Variants in SLC30A6 observed in about 807,000 individuals in gnomAD.
SLC30A6 encodes the protein zinc transporter 6.
In SLC30A6, 55 loss-of-function variants were observed where a neutral mutation model predicts 63.0. The ratio of observed to expected loss-of-function variants is 0.87; its 90% confidence interval spans 0.70 to 1.09. The LOEUF is 1.09. Ranked by LOEUF, SLC30A6 falls within the 50% of genes least tolerant of loss-of-function variation. SLC30A6 has a pLI of 0.00. For synonymous variants in SLC30A6, 224 were observed against 186.1 expected (o/e 1.20, Z -1.66); for missense variants, 587 against 549.2 (o/e 1.07, Z -0.69).
intron 5 of SLC30A6, among the ~76,000 whole-genome samples, chr2:32,190,454 G>A (rs1472425537): frequency 9.5e-5 from 11 of 115,878 alleles, no homozygotes; most frequent in South Asian, 2.7e-4. Flanking sequence ...GTGAGACTCC[G>A]TCTCAAAAAA....
At chr2:32,184,152 TATTA>T in intron 4 of SLC30A6, 117 bp from the exon 5 acceptor site, 1 of 338,528 alleles carries the variant, frequency 3.0e-6, no homozygotes, top group Middle Eastern at 9.2e-4. Flanking sequence ...AATAATTTAT[TATTA>T]ATTTAGTCTG....
intron 10 of SLC30A6, chr2:32,201,521 C>A: frequency 3.1e-6 from 2 of 643,712 alleles, no homozygotes; most frequent in Non-Finnish European, 5.1e-6. Context: ...GGCTGCCCTG[C>A]CCCTGTTTCC....
chr2:32,171,779 G>C (rs1367985455), intron 2 of SLC30A6, among the ~76,000 whole-genome samples: 1 of 151,506 alleles, frequency 6.6e-6, no homozygotes, highest in African/African-American at 2.4e-5. Flanking sequence ...CGCAACCTCT[G>C]CCTCCCGGGT....
rs769766775 is a variant in SLC30A6 at position 32,174,106 on chromosome 2, C to T, written c.134C>T (p.Thr45Ile). Residue 45 changes from threonine (T) to isoleucine (I), a missense_variant, in exon 3 of 14, where the codon ACT becomes ATT. Thr to Ile is a moderately conservative substitution (Grantham distance 89). Transcript: ENST00000282587. ...LLFGVINLICTGFLLMWCSST... is the reference protein window; with the variant it reads ...LLFGVINLICIGFLLMWCSST... ...TTTGGTGTAATAAACTTGATATGTA[C>T]TGGCTTCCTGCTTATGTGGTGCAGT... 3.1e-6 allele frequency: 5 copies of T among 1,613,746 alleles called. No homozygotes were observed. Among genetic ancestry groups the T allele is most frequent in the Non-Finnish European group, 4.2e-6 (5 of 1,179,800 alleles).
intron 13 of SLC30A6, among the ~76,000 whole-genome samples, chr2:32,210,869 T>C (rs1042806756): frequency 6.6e-6 from 1 of 152,164 alleles, no homozygotes; most frequent in African/African-American, 2.4e-5. Context: ...CTTGAGACTG[T>C]AACATCCCCT....
Position 32,203,614 on chromosome 2 carries a change from A to G in SLC30A6, c.666-976A>G. ...AATACAGGATGTCAGCTGTGCTTGG[A>G]AAGAACTTAACAGAAAGCTGAGTAG... On this transcript the variant is annotated intron_variant, in intron 10 of 13. Coordinates refer to ENST00000282587, the MANE Select transcript of SLC30A6 (RefSeq NM_017964.5). 2.5e-6 allele frequency: 4 copies of G among 1,588,892 alleles called. No homozygotes were observed. In the South Asian group the frequency reaches 4.4e-5, roughly 18 times the overall value.
chr2:32,180,064 G>C (rs1352944732), intron 4 of SLC30A6, among the ~76,000 whole-genome samples: 1 of 151,990 alleles, frequency 6.6e-6, no homozygotes, highest in Non-Finnish European at 1.5e-5. Flanking sequence ...TGAGGCTGCA[G>C]AGAGCTATGA....
At chr2:32,191,953 C>T (rs212750) in intron 5 of SLC30A6, among the ~76,000 whole-genome samples, 4,184 of 151,620 alleles carry the variant, frequency 0.028, 111 homozygotes, top group African/African-American at 0.067. Flanking sequence ...TGGTGTCTAA[C>T]GCACAGTGGG....
At chr2:32,192,455 A>G (rs1402170636) in intron 6 of SLC30A6, 39 bp downstream of exon 6, 5 of 1,558,260 alleles carry the variant, frequency 3.2e-6, no homozygotes, top group Non-Finnish European at 4.4e-6. Flanking sequence ...TCCCCCCATG[A>G]CACCTTTGGG....
intron 5 of SLC30A6, among the ~76,000 whole-genome samples, chr2:32,188,812 A>G (rs1424420839): frequency 6.6e-6 from 1 of 152,246 alleles, no homozygotes; most frequent in Non-Finnish European, 1.5e-5. Flanking sequence ...GATATAGAAC[A>G]TTACAAGTCC....
chr2:32,176,728 A>G lies in SLC30A6; in HGVS notation c.218+1367A>G, dbSNP rs147338462. On this transcript the variant is annotated intron_variant, in intron 4 of 13. Coordinates refer to ENST00000282587, the MANE Select transcript of SLC30A6 (RefSeq NM_017964.5). ...AAAATGACTTTTAGTCTCTTCATAC[A>G]TAGAGTTGTGCATTCATCACCATAA... is the stretch of plus-strand genomic sequence containing the variant. Among the ~76,000 whole-genome samples the G allele has an allele frequency of 2.6e-5, 4 of 151,964 alleles. No individual in the cohort carries two copies. In the East Asian group the frequency reaches 5.8e-4, roughly 22 times the overall value.
chr2:32,202,556 C>G (rs977252933), intron 10 of SLC30A6: 1 of 367,136 alleles, frequency 2.7e-6, no homozygotes, highest in African/African-American at 2.1e-5. Flanking sequence ...TGGTCTCAAT[C>G]TCCTGACCTT....
chr2:32,179,587 A>G (rs756280906), intron 4 of SLC30A6, among the ~76,000 whole-genome samples: 2 of 152,202 alleles, frequency 1.3e-5, no homozygotes, highest in African/African-American at 2.4e-5. Flanking sequence ...GGTATAGGGA[A>G]CCCACTTATC....
intron 5 of SLC30A6, among the ~76,000 whole-genome samples, chr2:32,185,589 A>G (rs1286458251): frequency 1.3e-5 from 2 of 152,148 alleles, no homozygotes; most frequent in African/African-American, 4.8e-5. Flanking sequence ...CATTGGGACT[A>G]TATTCTTTTG....
chr2:32,206,031 C>T (rs1684739198), intron 11 of SLC30A6, among the ~76,000 whole-genome samples: 1 of 151,994 alleles, frequency 6.6e-6, no homozygotes, highest in Non-Finnish European at 1.5e-5. Context: ...GTGTAATCTG[C>T]TTATGACTAT....
At chr2:32,173,450 T>C (rs1160581851) in intron 2 of SLC30A6, among the ~76,000 whole-genome samples, 1 of 151,930 alleles carries the variant, frequency 6.6e-6, no homozygotes, top group Non-Finnish European at 1.5e-5. Context: ...CTCATCTTAC[T>C]GCAACCTCTG....
intron 12 of SLC30A6, 71 bp from the exon 13 acceptor site, chr2:32,209,422 A>G (rs1685061180): frequency 8.1e-7 from 1 of 1,230,530 alleles, no homozygotes. Context: ...AACTAAGTCC[A>G]TAATGTGACT....
chr2:32,215,996 G>A (rs369220827), intron 13 of SLC30A6, among the ~76,000 whole-genome samples: 1 of 152,210 alleles, frequency 6.6e-6, no homozygotes, highest in Non-Finnish European at 1.5e-5. Flanking sequence ...TGCCTTTGCT[G>A]TGTGAATAGT....
intron 4 of SLC30A6, among the ~76,000 whole-genome samples, chr2:32,183,909 T>A (rs1558386037): frequency 6.6e-6 from 1 of 152,176 alleles, no homozygotes; most frequent in South Asian, 2.1e-4. Flanking sequence ...CGTATCAAAG[T>A]TAAAATTGAT....
Sources: gnomAD v4.1 joint callset for allele counts (sites outside exome capture counted in the v4.1 genomes callset) on GRCh38, gnomAD v4.1.1 for gene constraint, MANE v1.5 for transcripts, NCBI Gene and HGNC (gene_info 2026-07-23, HGNC 2026-07-21) for gene names.